The following AUNIP variants were observed in gnomAD, a reference collection of about 807,000 sequenced individuals.
AUNIP encodes the protein aurora kinase A and ninein interacting protein.
Under a neutral mutation model 12.2 loss-of-function variants are expected in AUNIP, and 16 were observed. That is an observed-to-expected ratio of 1.31 (90% CI 0.88 to 1.99). The LOEUF is 1.99. Ranked by LOEUF, AUNIP falls within the 30% of genes most tolerant of loss-of-function variation. AUNIP has a pLI of 0.00. For synonymous variants in AUNIP, 142 were observed against 154.8 expected (o/e 0.92, Z 0.61); for missense variants, 411 against 419.1 (o/e 0.98, Z 0.17).
intron 1 of AUNIP, among the ~76,000 whole-genome samples, chr1:25,852,297 T>A (rs1241464854): frequency 1.3e-5 from 2 of 152,064 alleles, no homozygotes; most frequent in Admixed American, 6.6e-5. Flanking sequence ...AGTTTGTTGA[T>A]CTTTGCAAAG....
chr1:25,837,367 C>CT (rs1344380231), intron 2 of AUNIP, 46 bp downstream of exon 2: 3 of 1,579,180 alleles, frequency 1.9e-6, no homozygotes, highest in Non-Finnish European at 2.6e-6. Flanking sequence ...GAACACACTC[C>CT]TTTTTTGCTC....
intron 1 of AUNIP, among the ~76,000 whole-genome samples, chr1:25,853,322 C>T (rs1414415300): frequency 2.6e-5 from 4 of 152,174 alleles, no homozygotes; most frequent in African/African-American, 9.7e-5. Flanking sequence ...ATTCGGCCGG[C>T]GTGGTGGCTC....
rs1308065461 is a variant in AUNIP at position 25,837,495 on chromosome 1, A to T, written c.138T>A (p.Ala46=). ...MLTLLPGERK[A]NIYFTQRRAP... ...CTCTTCTTTGAGTAAAATAAATATT[A>T]GCCTTTCTTTCTCCAGGAAGGAGTG... is the stretch of plus-strand genomic sequence containing the variant. The change falls in exon 2 of 3, where the codon GCT becomes GCA. Residue 46 remains alanine (A), a synonymous_variant. Coordinates refer to ENST00000374298, the MANE Select transcript of AUNIP (RefSeq NM_024037.3). The T allele has an allele frequency of 1.2e-6, 2 of 1,613,904 alleles. No homozygotes were observed. The highest frequency in any genetic ancestry group is 1.7e-5 in the Admixed American group (1 of 60,008).
chr1:25,838,102 A>T (rs1178893827), intron 1 of AUNIP, among the ~76,000 whole-genome samples: 1 of 150,534 alleles, frequency 6.6e-6, no homozygotes, highest in Non-Finnish European at 1.5e-5. Context: ...AAAAAAAATC[A>T]GTCCTAGTTC....
At position 25,847,681 on chromosome 1, in the gene AUNIP, C is replaced by T. The variant is rs1387757195; in HGVS notation, c.79-10127G>A. Among the ~76,000 whole-genome samples the T allele has an allele frequency of 6.6e-6, 1 of 152,102 alleles. No individual in the cohort carries two copies. Among genetic ancestry groups the T allele is most frequent in the Non-Finnish European group, 1.5e-5 (1 of 68,034 alleles). On this transcript the variant is annotated intron_variant, in intron 1 of 2. Coordinates refer to ENST00000374298, the MANE Select transcript of AUNIP (RefSeq NM_024037.3). The surrounding 1 kb of genome is among the most constrained non-coding windows in gnomAD (Gnocchi z 4.2). ...AAATAAAAATAAACAACTGGCCAGA[C>T]ACAGTGGCTCACACCTGTAATCCCA...
At chr1:25,833,973 G>T, downstream of AUNIP, 1 of 941,514 alleles carries the variant, frequency 1.1e-6, no homozygotes, top group Non-Finnish European at 1.3e-6. Flanking sequence ...AAATAAAATT[G>T]GTAATGGTTT....
chr1:25,835,228 T>G lies in AUNIP; in HGVS notation c.839A>C (p.Asp280Ala). 6.2e-7 allele frequency: 1 copy of G among 1,614,190 alleles called. No homozygotes were observed. The highest frequency in any genetic ancestry group is 1.1e-5 in the South Asian group (1 of 91,090). ...GAAAAGTTGACTCCAGGAGTCCTTG[T>G]CATTCTTTTCATTGTCCCAGGAAAA... is the stretch of plus-strand genomic sequence containing the variant. ...SVFSWDNEKNDKDSWSQLFTE... is the reference protein window; with the variant it reads ...SVFSWDNEKNAKDSWSQLFTE... The change falls in exon 3 of 3, where the codon GAC becomes GCC. Residue 280 changes from aspartate to alanine, a missense_variant. Transcript: ENST00000374298.
At chr1:25,832,473 G>C, downstream of AUNIP, 1 of 334,198 alleles carries the variant, frequency 3.0e-6, no homozygotes, top group South Asian at 3.7e-5. Context: ...TTGTATACAT[G>C]TTCACAGGGC....
At chr1:25,848,202 C>T (rs2048397800) in intron 1 of AUNIP, among the ~76,000 whole-genome samples, 1 of 152,108 alleles carries the variant, frequency 6.6e-6, no homozygotes. Flanking sequence ...ACCTTCAACT[C>T]CAGGGAATAG....
chr1:25,834,378 G>C lies in AUNIP; in HGVS notation c.*615C>G. 2.1e-6 allele frequency: 2 copies of C among 966,734 alleles called. No individual in the cohort carries two copies. The highest frequency in any genetic ancestry group is 2.5e-6 in the Non-Finnish European group (2 of 813,000). 59.9% of individuals were successfully genotyped at this position (966,734 alleles called of 1,614,324 possible). ...TGCCTGTAATCTCAGCACTTTGGGA[G>C]GCTGAGGTGGGCGGATCAGGAGGTC... On this transcript the variant is annotated 3_prime_UTR_variant, in exon 3 of 3. Transcript: ENST00000374298.
chr1:25,852,390 G>A (rs1324817454), intron 1 of AUNIP, among the ~76,000 whole-genome samples: 1 of 151,224 alleles, frequency 6.6e-6, no homozygotes, highest in Non-Finnish European at 1.5e-5. Context: ...TGGTCACTAT[G>A]GGTTTAGATT....
chr1:25,840,510 A>G (rs775898554), intron 1 of AUNIP, among the ~76,000 whole-genome samples: 1 of 152,222 alleles, frequency 6.6e-6, no homozygotes, highest in Non-Finnish European at 1.5e-5. Context: ...ATTCTTTTTC[A>G]AAGATAGCCA....
chr1:25,859,401 C>T lies in AUNIP; in HGVS notation c.-44G>A. The T allele has an allele frequency of 6.8e-7, 1 of 1,470,590 alleles. No individual in the cohort carries two copies. The highest frequency in any genetic ancestry group is 8.9e-7 in the Non-Finnish European group (1 of 1,119,324). The allele number at this position is 1,470,590 out of a possible 1,614,324, so 91.1% of individuals were successfully genotyped here. ...GCCGGCAGGACGCCGGCGCAGGCTC[C>T]CGGCGCCTCAGGGAACGCCAGAACC... is the stretch of plus-strand genomic sequence containing the variant. On this transcript the variant is annotated 5_prime_UTR_variant, in exon 1 of 3. Transcript: ENST00000374298.
At chr1:25,832,261 G>T, downstream of AUNIP, 1 of 1,247,430 alleles carries the variant, frequency 8.0e-7, no homozygotes, top group Non-Finnish European at 1.1e-6. Context: ...TAATCGTGTA[G>T]AATGAAGTAT....
At chr1:25,836,479 T>A (rs1396077003) in intron 2 of AUNIP, among the ~76,000 whole-genome samples, 2 of 152,224 alleles carry the variant, frequency 1.3e-5, no homozygotes, top group Non-Finnish European at 2.9e-5. Context: ...GTTAATTTTA[T>A]CAGGCATAGA....
chr1:25,832,471 A>G (rs15045), downstream of AUNIP: 296,420 of 369,700 alleles, frequency 0.8, 119,598 homozygotes, highest in East Asian at 0.97. Context: ...GTTTGTATAC[A>G]TGTTCACAGG....
chr1:25,839,000 A>C (rs7536638), intron 1 of AUNIP, among the ~76,000 whole-genome samples: 119,372 of 152,092 alleles, frequency 0.78, 47,121 homozygotes, highest in East Asian at 0.98. Context: ...GAAAGAAATC[A>C]TGGGGGTAAA....
intron 1 of AUNIP, among the ~76,000 whole-genome samples, chr1:25,856,441 C>T (rs897933877): frequency 4.6e-5 from 7 of 150,888 alleles, no homozygotes; most frequent in African/African-American, 7.3e-5. Flanking sequence ...CCCAGGAGGC[C>T]GAGGCAGGTG....
chr1:25,845,355 C>T (rs2048374339), intron 1 of AUNIP, among the ~76,000 whole-genome samples: 1 of 151,962 alleles, frequency 6.6e-6, no homozygotes, highest in Non-Finnish European at 1.5e-5. Flanking sequence ...TTGATGATTC[C>T]AGTTTACCTT....
Sources: allele counts gnomAD v4.1 joint callset (sites outside exome capture counted in the v4.1 genomes callset), GRCh38; gene constraint gnomAD v4.1.1; non-coding constraint Gnocchi (gnomAD v3.1); transcripts MANE v1.5; gene names NCBI Gene and HGNC (gene_info 2026-07-23, HGNC 2026-07-21).